SYNPR: variants seen among roughly 807,000 people sequenced by gnomAD.
The protein encoded by SYNPR is synaptoporin.
SYNPR carries 23 observed loss-of-function variants against 32.9 expected under a neutral mutation model. The ratio of observed to expected loss-of-function variants is 0.70; its 90% CI spans 0.50 to 0.99. The LOEUF is 0.99. SYNPR is among the 50% of genes least tolerant of loss of function. The pLI is 0.00. For missense variants in SYNPR, 318 were observed against 349.3 expected (o/e 0.91, Z 0.71); for synonymous variants, 146 against 135.9 (o/e 1.07, Z -0.52).
intron 2 of SYNPR, among the ~76,000 whole-genome samples, chr3:63,453,932 C>T (rs981770478): frequency 1.3e-5 from 2 of 152,076 alleles, no homozygotes; most frequent in Non-Finnish European, 2.9e-5. Flanking sequence ...TTTAAATTAT[C>T]TGTATTATCA....
intron 2 of SYNPR, among the ~76,000 whole-genome samples, chr3:63,285,385 T>C (rs1229104249): frequency 6.6e-6 from 1 of 151,200 alleles, no homozygotes; most frequent in African/African-American, 2.4e-5. Flanking sequence ...TTAAAAAAAG[T>C]GTGCATAAGT....
At chr3:63,383,442 C>T (rs141603840) in intron 2 of SYNPR, among the ~76,000 whole-genome samples, 2,362 of 152,066 alleles carry the variant, frequency 0.016, 57 homozygotes, top group Non-Finnish European at 0.019. Context: ...CAGGACCAGG[C>T]GCAGTGGCTC....
chr3:63,298,655 T>G (rs1355826905), intron 2 of SYNPR, among the ~76,000 whole-genome samples: 5 of 152,098 alleles, frequency 3.3e-5, no homozygotes, highest in African/African-American at 9.7e-5. Flanking sequence ...TGGTGGAAGT[T>G]AACTCCTGTT....
At chr3:63,359,402 G>A (rs1219170090) in intron 2 of SYNPR, among the ~76,000 whole-genome samples, 1 of 152,234 alleles carries the variant, frequency 6.6e-6, no homozygotes, top group Non-Finnish European at 1.5e-5. Context: ...TTAACCAAGA[G>A]TTGAGTTGTT....
intron 2 of SYNPR, among the ~76,000 whole-genome samples, chr3:63,433,554 A>G (rs1700028276): frequency 6.6e-6 from 1 of 152,122 alleles, no homozygotes; most frequent in Non-Finnish European, 1.5e-5. Flanking sequence ...TATGGAGGGG[A>G]CACTGAACAC....
At chr3:63,517,792 A>T (rs1407988964) in intron 3 of SYNPR, among the ~76,000 whole-genome samples, 2 of 152,182 alleles carry the variant, frequency 1.3e-5, no homozygotes, top group African/African-American at 4.8e-5. Flanking sequence ...GCTATAGCCA[A>T]CTCAGGGCTC....
At chr3:63,535,319 G>T (rs947077666) in intron 3 of SYNPR, among the ~76,000 whole-genome samples, 1 of 151,972 alleles carries the variant, frequency 6.6e-6, no homozygotes, top group Non-Finnish European at 1.5e-5. Flanking sequence ...GAAATTTTTT[G>T]TGGATAGGAA....
At chr3:63,288,040 T>C (rs1029624366) in intron 2 of SYNPR, among the ~76,000 whole-genome samples, 1 of 152,200 alleles carries the variant, frequency 6.6e-6, no homozygotes, top group Admixed American at 6.5e-5. Context: ...CCTTTCTGTT[T>C]CCCATTTATT....
chr3:63,252,517 T>G (rs180882893), exon 2 of SYNPR: 3 of 152,288 alleles, frequency 2.0e-5, no homozygotes, highest in Non-Finnish European at 2.9e-5. Flanking sequence ...AGTGTTACAC[T>G]GCGCCTTTAA....
chr3:63,305,119 T>C (rs1029244434), intron 2 of SYNPR, among the ~76,000 whole-genome samples: 2 of 151,890 alleles, frequency 1.3e-5, no homozygotes, highest in African/African-American at 4.8e-5. Context: ...GTCTGCCTGA[T>C]GGAGAGGCTC....
chr3:63,615,566 T>C lies in SYNPR; in HGVS notation c.*85T>C. ...GAATTTTTTAAGGGTTTCAATCAAT[T>C]ATTAATGCAGAGAGTATTGAATGTA... On this transcript the variant is annotated 3_prime_UTR_variant, in exon 6 of 6. Transcript: ENST00000478300. The C allele has an allele frequency of 6.7e-7, 1 of 1,497,146 alleles. No homozygotes were observed. The highest frequency in any genetic ancestry group is 9.0e-7 in the Non-Finnish European group (1 of 1,112,594). The allele number at this position is 1,497,146 out of a possible 1,614,324, so 92.7% of individuals were successfully genotyped here.
intron 2 of SYNPR, chr3:63,443,042 A>C (rs900843844): frequency 4.0e-6 from 4 of 1,004,738 alleles, no homozygotes; most frequent in Admixed American, 5.5e-5. Flanking sequence ...TAAAGGGGAG[A>C]TGGTGCCTCT....
At chr3:63,468,766 A>G (rs965977403) in intron 2 of SYNPR, among the ~76,000 whole-genome samples, 1 of 152,156 alleles carries the variant, frequency 6.6e-6, no homozygotes, top group Non-Finnish European at 1.5e-5. Context: ...ATGCTGCTGC[A>G]CTCCAGGCTG....
chr3:63,257,362 C>G (rs62251308), intron 2 of SYNPR, among the ~76,000 whole-genome samples: 31,578 of 152,144 alleles, frequency 0.21, 4,183 homozygotes, highest in Admixed American at 0.31. Flanking sequence ...AGACTAACAG[C>G]AGATATCTCA....
Position 63,341,522 on chromosome 3 carries a change from G to T in SYNPR, c.84+62780G>T, listed in dbSNP as rs560669590. ...CACATTCTCATCAGCATTTGATATT[G>T]TCAATGTTTTGGATTTTAACCACTC... On this transcript the variant is annotated intron_variant, in intron 2 of 5. Transcript: ENST00000478300. Among the ~76,000 whole-genome samples, 4 of 152,244 alleles carry T rather than the reference G, an allele frequency of 2.6e-5. No individual in the cohort carries two copies. The South Asian group carries it at 8.3e-4, about 32-fold the overall frequency.
chr3:63,608,176 A>G (rs1054689468), intron 4 of SYNPR, among the ~76,000 whole-genome samples: 1 of 152,022 alleles, frequency 6.6e-6, no homozygotes, highest in African/African-American at 2.4e-5. Flanking sequence ...ACCCCACCCG[A>G]GTCATGAGGG....
rs11922564 is a variant in SYNPR at position 63,484,958 on chromosome 3, T to C, written c.209+4002T>C. 3.3e-3 allele frequency among the ~76,000 whole-genome samples: 495 copies of C among 152,166 alleles called. 3 individuals carry two copies. The highest frequency in any genetic ancestry group is 0.011 in the African/African-American group (473 of 41,508). Reference sequence around the variant, plus strand: ...TTGAATAGGAAGAAGGAGTTAAAGATGACAAAAGGAAAATAACAGGGAAAT... The same window carrying C: ...TTGAATAGGAAGAAGGAGTTAAAGACGACAAAAGGAAAATAACAGGGAAAT... On this transcript the variant is annotated intron_variant, in intron 3 of 5. Transcript: ENST00000478300.
chr3:63,425,016 T>C (rs1368994247), intron 2 of SYNPR, among the ~76,000 whole-genome samples: 1 of 152,228 alleles, frequency 6.6e-6, no homozygotes, highest in Non-Finnish European at 1.5e-5. Context: ...AGATCCATCC[T>C]GTTAGCAGGG....
chr3:63,509,821 A>C (rs527604802), intron 3 of SYNPR, among the ~76,000 whole-genome samples: 1 of 152,250 alleles, frequency 6.6e-6, no homozygotes, highest in South Asian at 2.1e-4. Context: ...CTTTTCTAGA[A>C]AGTTTTTTGT....
Sources: allele counts gnomAD v4.1 joint callset (sites outside exome capture counted in the v4.1 genomes callset), GRCh38; gene constraint gnomAD v4.1.1; transcripts MANE v1.5; gene names NCBI Gene and HGNC (gene_info 2026-07-23, HGNC 2026-07-21).